The following ANKRD31 variants were observed in gnomAD, a reference collection of about 807,000 sequenced individuals.
The protein encoded by ANKRD31 is ankyrin repeat domain-containing protein 31.
A neutral mutation model predicts 186.0 loss-of-function variants in ANKRD31; 147 were observed. The ratio of observed to expected loss-of-function variants is 0.79; its 90% CI spans 0.69 to 0.91. The LOEUF (loss-of-function observed/expected upper bound fraction) is 0.91, where lower values mean the gene tolerates loss of function less well. Ranked by LOEUF, ANKRD31 falls within the 40% of genes least tolerant of loss-of-function variation. The probability of loss-of-function intolerance (pLI) is 0.00; values close to 1 mark genes in which losing one functional copy is unlikely to be tolerated. For missense variants in ANKRD31, 1,986 were observed against 2,148.8 expected (o/e 0.92, Z 1.50); for synonymous variants, 673 against 736.4 (o/e 0.91, Z 1.39).
At chr5:75,152,144 A>T (rs1751883179) in intron 12 of ANKRD31, among the ~76,000 whole-genome samples, 1 of 151,926 alleles carries the variant, frequency 6.6e-6, no homozygotes, top group African/African-American at 2.4e-5. Flanking sequence ...TTTATTCTTG[A>T]CCTTTCCAAG....
chr5:75,142,008 A>C (rs1751086836), intron 15 of ANKRD31, among the ~76,000 whole-genome samples: 2 of 152,198 alleles, frequency 1.3e-5, no homozygotes, highest in African/African-American at 4.8e-5. Flanking sequence ...GAAATTCAAA[A>C]GGAAACAAAT....
Position 75,175,364 on chromosome 5 carries a change from A to ATGTGCACAT in ANKRD31, c.1565-6244_1565-6243insATGTGCACA, listed in dbSNP as rs1753706637. On this transcript the variant is annotated intron_variant, in intron 10 of 25. Transcript: ENST00000506364. Reference sequence around the variant, plus strand: ...CCTGCATGTTGTGCACATGTACCCTAGAGCTTCAAGTATATTAAAAAAAGA... The same window carrying ATGTGCACAT: ...CCTGCATGTTGTGCACATGTACCCTATGTGCACATGAGCTTCAAGTATATTAAAAAAAGA... Among the ~76,000 whole-genome samples, 5 of 152,312 alleles carry ATGTGCACAT rather than the reference A, an allele frequency of 3.3e-5. No homozygotes were observed. The South Asian group carries it at 1.0e-3, about 32-fold the overall frequency.
At chr5:75,087,730 T>C (rs956050548) in intron 23 of ANKRD31, among the ~76,000 whole-genome samples, 2 of 151,092 alleles carry the variant, frequency 1.3e-5, no homozygotes, top group African/African-American at 4.9e-5. Context: ...ACAAAATACA[T>C]TGTGGCTAAG....
chr5:75,131,221 GC>G (rs1749784656), intron 17 of ANKRD31, among the ~76,000 whole-genome samples: 1 of 152,200 alleles, frequency 6.6e-6, no homozygotes, highest in Non-Finnish European at 1.5e-5. Flanking sequence ...CCAGAAAGGG[GC>G]CCCCACAGTG....
At chr5:75,093,500 C>CAAA (rs1258104808) in intron 22 of ANKRD31, among the ~76,000 whole-genome samples, 13 of 150,658 alleles carry the variant, frequency 8.6e-5, no homozygotes, top group African/African-American at 1.2e-4. Flanking sequence ...ACAACAACAA[C>CAAA]AAAAAAAACT....
At chr5:75,105,250 A>C (rs1367330033) in intron 21 of ANKRD31, 32 bp from the exon 22 acceptor site, 3 of 1,448,870 alleles carry the variant, frequency 2.1e-6, no homozygotes, top group African/African-American at 2.9e-5. Context: ...GAAAAAATGC[A>C]ATAACAGCAG....
At chr5:75,196,535 C>T (rs1255257035) in intron 6 of ANKRD31, among the ~76,000 whole-genome samples, 2 of 152,234 alleles carry the variant, frequency 1.3e-5, no homozygotes, top group South Asian at 2.1e-4. Flanking sequence ...ACAGATGATC[C>T]CAAAGCTTCA....
At chr5:75,099,427 A>G (rs190622908) in intron 22 of ANKRD31, among the ~76,000 whole-genome samples, 15 of 152,330 alleles carry the variant, frequency 9.8e-5, no homozygotes, top group African/African-American at 3.4e-4. Context: ...CTTTGGTATC[A>G]GGATGATGCT....
Position 75,206,358 on chromosome 5 carries a change from T to G in ANKRD31, c.403+53A>C, listed in dbSNP as rs1476619711. On this transcript the variant is annotated intron_variant, in intron 5 of 25. Transcript: ENST00000506364. ...TAAATGTATATCTAACTAAGTCTTC[T>G]ATTTTTAGGCAAAGACTAATTTCCT... 1.0e-5 allele frequency: 11 copies of G among 1,066,176 alleles called. 1 individual carries two copies. Among genetic ancestry groups the G allele is most frequent in the Non-Finnish European group, 1.3e-5 (11 of 830,952 alleles). The allele number at this position is 1,066,176 out of a possible 1,614,324, so 66.0% of individuals were successfully genotyped here.
At chr5:75,077,381 AT>A (rs533229795) in intron 25 of ANKRD31, among the ~76,000 whole-genome samples, 63 of 152,290 alleles carry the variant, frequency 4.1e-4, no homozygotes, top group Middle Eastern at 3.4e-3. Context: ...TAAATTAATA[AT>A]GTGATATAGA....
chr5:75,121,235 A>C (rs1044198648), intron 17 of ANKRD31, among the ~76,000 whole-genome samples: 2 of 152,018 alleles, frequency 1.3e-5, no homozygotes, highest in Admixed American at 1.3e-4. Context: ...ATAAAGGGTG[A>C]TATCAATTCA....
intron 11 of ANKRD31, among the ~76,000 whole-genome samples, chr5:75,164,416 T>C (rs576700847): frequency 3.3e-5 from 5 of 152,342 alleles, no homozygotes; most frequent in African/African-American, 1.2e-4. Flanking sequence ...ATACAGAACC[T>C]AAATGTAGGT....
At chr5:75,088,817 C>G (rs987690229) in intron 23 of ANKRD31, among the ~76,000 whole-genome samples, 1 of 152,116 alleles carries the variant, frequency 6.6e-6, no homozygotes, top group African/African-American at 2.4e-5. Flanking sequence ...AAAGTTGTTG[C>G]GTAAAACTGC....
intron 7 of ANKRD31, 40 bp downstream of exon 7, chr5:75,195,591 G>A: frequency 1.4e-6 from 2 of 1,438,764 alleles, no homozygotes; most frequent in Non-Finnish European, 9.2e-7. Context: ...TTGGAACCAT[G>A]TTCAAATGGT....
At chr5:75,187,022 A>AGT (rs10624220) in intron 10 of ANKRD31, among the ~76,000 whole-genome samples, 24,272 of 142,492 alleles carry the variant, frequency 0.17, 2,024 homozygotes, top group Middle Eastern at 0.26. Context: ...TGAGACACAG[A>AGT]GTGTGTGTGT....
intron 21 of ANKRD31, 38 bp downstream of exon 21, chr5:75,107,483 A>C: frequency 7.4e-7 from 1 of 1,354,374 alleles, no homozygotes; most frequent in East Asian, 2.5e-5. Context: ...AAATTCTAGA[A>C]ACTCAAAAGC....
At chr5:75,210,739 T>C in intron 4 of ANKRD31, 89 bp downstream of exon 4, 1 of 964,728 alleles carries the variant, frequency 1.0e-6, no homozygotes, top group Non-Finnish European at 1.4e-6. Flanking sequence ...ACAATAATTC[T>C]AAAACTCTTA....
intron 15 of ANKRD31, among the ~76,000 whole-genome samples, chr5:75,140,528 C>T (rs1359677354): frequency 6.6e-6 from 1 of 152,180 alleles, no homozygotes; most frequent in African/African-American, 2.4e-5. Flanking sequence ...TCCTAATGAT[C>T]CTCACCATCT....
intron 25 of ANKRD31, among the ~76,000 whole-genome samples, chr5:75,079,325 G>C (rs1744905356): frequency 6.6e-6 from 1 of 152,142 alleles, no homozygotes; most frequent in Non-Finnish European, 1.5e-5. Context: ...TATTGAATGT[G>C]AACAGATATC....
Sources: allele counts gnomAD v4.1 joint callset (sites outside exome capture counted in the v4.1 genomes callset), GRCh38; gene constraint gnomAD v4.1.1; transcripts MANE v1.5; gene names NCBI Gene and HGNC (gene_info 2026-07-23, HGNC 2026-07-21).